COQ8A: variants seen among roughly 807,000 people sequenced by gnomAD.
COQ8A encodes the protein atypical kinase COQ8A, mitochondrial.
A neutral mutation model predicts 65.0 loss-of-function variants in COQ8A; 51 were observed. That is an observed-to-expected ratio of 0.78 (90% CI 0.63 to 0.99). The LOEUF (loss-of-function observed/expected upper bound fraction) is 0.99, where lower values mean the gene tolerates loss of function less well. Ranked by LOEUF, COQ8A falls within the 50% of genes least tolerant of loss-of-function variation. The probability of loss-of-function intolerance (pLI) is 0.00; values close to 1 mark genes in which losing one functional copy is unlikely to be tolerated. For synonymous variants in COQ8A, 371 were observed against 353.2 expected, an observed-to-expected ratio of 1.05 and a Z score of -0.57; for missense variants, 940 against 875.0, an observed-to-expected ratio of 1.07 and a Z score of -0.94.
At chr1:226,983,291 G>A in intron 8 of COQ8A, 1 of 673,404 alleles carries the variant, frequency 1.5e-6, no homozygotes. Flanking sequence ...GGGGACAAGT[G>A]ATTGCTTTTT....
intron 2 of COQ8A, 49 bp downstream of exon 2, chr1:226,961,611 C>A (rs761550397): frequency 3.2e-6 from 5 of 1,568,588 alleles, no homozygotes; most frequent in Middle Eastern, 3.8e-4. Flanking sequence ...GAGGGTGGGA[C>A]CTGGAGCTCT....
At chr1:226,970,047 A>G (rs561584298) in intron 4 of COQ8A, among the ~76,000 whole-genome samples, 116 of 152,200 alleles carry the variant, frequency 7.6e-4, no homozygotes, top group South Asian at 3.9e-3. Flanking sequence ...GCTCACAGCA[A>G]CCTCAGGCAA....
At chr1:226,960,543 T>G (rs1658176762) in intron 1 of COQ8A, among the ~76,000 whole-genome samples, 1 of 143,134 alleles carries the variant, frequency 7.0e-6, no homozygotes. Flanking sequence ...TGGTTGTACT[T>G]GGTGGTGGTG....
intron 4 of COQ8A, among the ~76,000 whole-genome samples, chr1:226,968,022 C>T (rs772521725): frequency 3.9e-5 from 6 of 152,158 alleles, no homozygotes; most frequent in Admixed American, 6.5e-5. Flanking sequence ...CCTTTAGTAA[C>T]TGTGAAATTA....
intron 4 of COQ8A, among the ~76,000 whole-genome samples, chr1:226,977,132 C>T (rs1659286383): frequency 6.6e-6 from 1 of 152,150 alleles, no homozygotes; most frequent in African/African-American, 2.4e-5. Context: ...GTGCTGGGTC[C>T]TTCCCAGGTG....
chr1:226,981,731 C>T (rs779319981), intron 5 of COQ8A, among the ~76,000 whole-genome samples: 5 of 152,208 alleles, frequency 3.3e-5, no homozygotes, highest in Admixed American at 6.5e-5. Flanking sequence ...GGCCCTGTCA[C>T]GGCCCGCCAG....
chr1:226,986,948 G>A lies in COQ8A; in HGVS notation c.*211G>A. On this transcript the variant is annotated 3_prime_UTR_variant, in exon 15 of 15. Coordinates refer to ENST00000366777, the MANE Select transcript of COQ8A (RefSeq NM_020247.5). ...GCAAGAATGAAGATGAAGCCCCACT[G>A]CTCGGTCAGTCTGCCTCCGTGTGTC... The A allele has an allele frequency of 1.6e-6, 1 of 626,096 alleles. No individual in the cohort carries two copies. The highest frequency in any genetic ancestry group is 2.8e-6 in the Non-Finnish European group (1 of 360,342). 38.8% of individuals were successfully genotyped at this position (626,096 alleles called of 1,614,324 possible). A position where few individuals can be genotyped will look rare whatever the true frequency, so the allele number is the denominator to read the frequency against.
intron 12 of COQ8A, 98 bp downstream of exon 12, chr1:226,984,753 C>A: frequency 1.3e-6 from 2 of 1,493,586 alleles, no homozygotes; most frequent in Non-Finnish European, 1.9e-6. Context: ...GGAAAGTCAG[C>A]AGAGAGCTCA....
chr1:226,963,265 G>A (rs562554483), intron 2 of COQ8A, among the ~76,000 whole-genome samples: 42 of 151,342 alleles, frequency 2.8e-4, no homozygotes, highest in African/African-American at 5.1e-4. Context: ...GTGGCTGCCC[G>A]CAGTGCGCTG....
intron 5 of COQ8A, among the ~76,000 whole-genome samples, chr1:226,979,099 A>C (rs1260222455): frequency 6.6e-6 from 1 of 152,190 alleles, no homozygotes; most frequent in Non-Finnish European, 1.5e-5. Flanking sequence ...TCACCAGCTT[A>C]GTAACCTGGG....
chr1:226,954,814 T>C (rs373532580), intron 1 of COQ8A, among the ~76,000 whole-genome samples: 6 of 152,322 alleles, frequency 3.9e-5, no homozygotes, highest in African/African-American at 1.4e-4. Context: ...ATGGTCCTTG[T>C]AGTCCTTGTC....
chr1:226,978,263 C>T (rs1659397139), intron 5 of COQ8A, among the ~76,000 whole-genome samples: 1 of 108,622 alleles, frequency 9.2e-6, no homozygotes, highest in African/African-American at 2.9e-5. Context: ...ACAGCCTCCG[C>T]ACCCACTGAA....
intron 1 of COQ8A, chr1:226,957,960 C>T (rs1657913634): frequency 6.6e-6 from 1 of 152,114 alleles, no homozygotes; most frequent in Admixed American, 6.5e-5. Context: ...GGGAACACAG[C>T]CTTGTGCAGC....
chr1:226,973,568 C>A (rs1187187401), intron 4 of COQ8A, among the ~76,000 whole-genome samples: 1 of 152,202 alleles, frequency 6.6e-6, no homozygotes, highest in East Asian at 1.9e-4. Flanking sequence ...AGGGACAGAT[C>A]CTGAGAACCT....
At chr1:226,958,168 G>A (rs1216513009) in intron 1 of COQ8A, 1 of 152,134 alleles carries the variant, frequency 6.6e-6, no homozygotes, top group Non-Finnish European at 1.5e-5. Flanking sequence ...TGATCCTCAT[G>A]TTTCAGGATA....
intron 5 of COQ8A, 113 bp from the exon 6 acceptor site, chr1:226,981,914 G>T: frequency 1.3e-6 from 2 of 1,510,676 alleles, no homozygotes; most frequent in Non-Finnish European, 1.8e-6. Context: ...CTGGTTTTAT[G>T]GACGCCTGGG....
intron 4 of COQ8A, among the ~76,000 whole-genome samples, chr1:226,969,300 A>G (rs1288627250): frequency 6.6e-6 from 1 of 152,084 alleles, no homozygotes; most frequent in Non-Finnish European, 1.5e-5. Context: ...CAGATTCAGA[A>G]TTCTTTTTTT....
intron 1 of COQ8A, among the ~76,000 whole-genome samples, chr1:226,953,407 T>C (rs1295642460): frequency 1.3e-5 from 2 of 152,238 alleles, no homozygotes; most frequent in African/African-American, 4.8e-5. Context: ...TTAGGCAAGG[T>C]TGTGATGTTT....
chr1:226,961,886 A>G (rs539293150), intron 2 of COQ8A, among the ~76,000 whole-genome samples: 9 of 152,274 alleles, frequency 5.9e-5, no homozygotes, highest in African/African-American at 2.2e-4. Flanking sequence ...ATAGATGGCC[A>G]TCTTCTCACT....
Sources: gnomAD v4.1 joint callset for allele counts (sites outside exome capture counted in the v4.1 genomes callset) on GRCh38, gnomAD v4.1.1 for gene constraint, MANE v1.5 for transcripts, NCBI Gene and HGNC (gene_info 2026-07-23, HGNC 2026-07-21) for gene names.